The following MLLT3 variants were observed in gnomAD, a reference collection of about 807,000 sequenced individuals.
The protein encoded by MLLT3 is protein AF-9.
Under a neutral mutation model 53.2 loss-of-function variants are expected in MLLT3, and 4 were observed. The ratio of observed to expected loss-of-function variants is 0.08; its 90% CI spans 0.04 to 0.17. The LOEUF is 0.17. MLLT3 is among the 10% of genes least tolerant of loss of function. The pLI is 1.00. For missense variants in MLLT3, 569 were observed against 684.0 expected, an observed-to-expected ratio of 0.83 and a Z score of 1.87; for synonymous variants, 283 against 230.6, an observed-to-expected ratio of 1.23 and a Z score of -2.06.
chr9:20,470,364 T>A (rs576526938), intron 2 of MLLT3, among the ~76,000 whole-genome samples: 2 of 152,022 alleles, frequency 1.3e-5, no homozygotes, highest in Non-Finnish European at 2.9e-5. Context: ...GGTTCATTTG[T>A]GTTTTATTAA....
chr9:20,366,838 G>A (rs796704097), intron 5 of MLLT3, among the ~76,000 whole-genome samples: 7 of 152,268 alleles, frequency 4.6e-5, no homozygotes, highest in Admixed American at 1.3e-4. Flanking sequence ...ATCATTACTG[G>A]TCATTAGAGA....
Position 20,438,056 on chromosome 9 carries a change from A to G in MLLT3, c.420+10067T>C, listed in dbSNP as rs1823449086. ...TATAGATATCTATGAATGCTGGACA[A>G]TAGTGTTATAAGCTAAAAGCACAAA... is the stretch of plus-strand genomic sequence containing the variant. On this transcript the variant is annotated intron_variant, in intron 4 of 10. Transcript: ENST00000380338. Among the ~76,000 whole-genome samples the G allele has an allele frequency of 2.6e-5, 4 of 152,206 alleles. No individual in the cohort carries two copies. In the South Asian group the frequency reaches 8.3e-4, roughly 31 times the overall value.
chr9:20,463,685 T>C (rs573583083), intron 2 of MLLT3, among the ~76,000 whole-genome samples: 17 of 152,196 alleles, frequency 1.1e-4, no homozygotes, highest in South Asian at 4.1e-4. Flanking sequence ...TGATGGGAAA[T>C]AGAAAAACTG....
chr9:20,351,692 G>A (rs1269525057), intron 10 of MLLT3, among the ~76,000 whole-genome samples: 1 of 152,174 alleles, frequency 6.6e-6, no homozygotes, highest in Non-Finnish European at 1.5e-5. Context: ...TGTGATCCTG[G>A]GCCCACCAGA....
At chr9:20,555,769 A>C (rs942980658) in intron 2 of MLLT3, among the ~76,000 whole-genome samples, 15 of 152,224 alleles carry the variant, frequency 9.9e-5, no homozygotes, top group Admixed American at 5.9e-4. Flanking sequence ...ACCCACTAGA[A>C]GCAAACTGGT....
intron 2 of MLLT3, among the ~76,000 whole-genome samples, chr9:20,491,529 A>G (rs1586991169): frequency 6.6e-6 from 1 of 152,162 alleles, no homozygotes; most frequent in East Asian, 1.9e-4. Context: ...CCAGTCAATC[A>G]CATGCAATGG....
chr9:20,525,316 G>A (rs1053299512), intron 2 of MLLT3, among the ~76,000 whole-genome samples: 1 of 151,992 alleles, frequency 6.6e-6, no homozygotes, highest in East Asian at 1.9e-4. Context: ...GGCCAACATG[G>A]TGAAATCCTG....
At chr9:20,459,469 G>A (rs142160406) in intron 2 of MLLT3, among the ~76,000 whole-genome samples, 5 of 152,296 alleles carry the variant, frequency 3.3e-5, no homozygotes, top group East Asian at 3.9e-4. Flanking sequence ...CTAGTGTTAC[G>A]CTTATGACAC....
chr9:20,590,981 C>T (rs148140548), intron 2 of MLLT3, among the ~76,000 whole-genome samples: 7 of 152,014 alleles, frequency 4.6e-5, no homozygotes, highest in African/African-American at 1.7e-4. Context: ...AACTACTGGC[C>T]TCAGGCAATC....
chr9:20,373,660 T>C (rs978974530), intron 5 of MLLT3, among the ~76,000 whole-genome samples: 1 of 152,034 alleles, frequency 6.6e-6, no homozygotes, highest in Admixed American at 6.6e-5. Context: ...TAAACAGAAA[T>C]GATTTCAGAC....
intron 2 of MLLT3, among the ~76,000 whole-genome samples, chr9:20,490,492 A>AAG (rs2118921417): frequency 6.6e-6 from 1 of 152,338 alleles, no homozygotes; most frequent in African/African-American, 2.4e-5. Flanking sequence ...ACAGTTGGCA[A>AAG]AGAAACAGAG....
At chr9:20,565,976 A>T (rs1437755496) in intron 2 of MLLT3, among the ~76,000 whole-genome samples, 2 of 118,736 alleles carry the variant, frequency 1.7e-5, no homozygotes, top group Non-Finnish European at 3.4e-5. Context: ...ATTTATATAT[A>T]TATATATTTA....
chr9:20,390,694 C>T (rs1822157856), intron 5 of MLLT3, among the ~76,000 whole-genome samples: 1 of 152,184 alleles, frequency 6.6e-6, no homozygotes, highest in African/African-American at 2.4e-5. Context: ...ACAACTTCTC[C>T]AAAATACTTA....
intron 2 of MLLT3, among the ~76,000 whole-genome samples, chr9:20,544,457 T>C (rs543261451): frequency 2.6e-5 from 4 of 152,078 alleles, no homozygotes; most frequent in Admixed American, 6.6e-5. Flanking sequence ...AAAGAAAATA[T>C]AGAAATGGCC....
At chr9:20,478,180 T>G (rs1824572791) in intron 2 of MLLT3, among the ~76,000 whole-genome samples, 1 of 152,070 alleles carries the variant, frequency 6.6e-6, no homozygotes, top group Admixed American at 6.6e-5. Context: ...TGGCAGTGGC[T>G]GCACTGAGAA....
At position 20,597,173 on chromosome 9, in the gene MLLT3, T is replaced by C. The variant is rs148000606; in HGVS notation, c.193+23481A>G. On this transcript the variant is annotated intron_variant, in intron 2 of 10. Transcript: ENST00000380338. ...TTGATAAATTCATCCATTATGGGGA[T>C]AGTACAGGTAGTACCTCAATTCATA... 3.5e-3 allele frequency among the ~76,000 whole-genome samples: 537 copies of C among 152,244 alleles called. 4 individuals are homozygous for C. The highest frequency in any genetic ancestry group is 0.012 in the African/African-American group (502 of 41,554).
rs1822790687 is a variant in MLLT3, at chr9:20,413,786, G to A, written c.1060C>T (p.Pro354Ser). The change falls in exon 5 of 11, where the codon CCA (proline) becomes TCA (serine). Residue 354 changes from proline to serine, a missense_variant. Physicochemically the swap from Pro to Ser is moderately conservative, Grantham distance 74. Around this residue, in one of 5 missense-constraint regions of MLLT3, gnomAD observed 437 missense variants for 376.5 expected, o/e 1.16. Transcript: ENST00000380338. ...TTGGGATCCACAATATCATCAAATG[G>A]CGGTAACGTTGATTTCTTCTTCTCT... ...TSEKKKSTLP[P>S]FDDIVDPNDS... 8.7e-6 allele frequency: 14 copies of A among 1,613,656 alleles called. No homozygotes were observed. Among genetic ancestry groups the A allele is most frequent in the Non-Finnish European group, 1.2e-5 (14 of 1,179,916 alleles).
At chr9:20,605,325 T>G (rs1003752223) in intron 2 of MLLT3, among the ~76,000 whole-genome samples, 5 of 152,096 alleles carry the variant, frequency 3.3e-5, no homozygotes, top group African/African-American at 1.2e-4. Flanking sequence ...TACATTCTTT[T>G]CTACTTACCC....
chr9:20,434,457 T>A (rs1052400415), intron 4 of MLLT3, among the ~76,000 whole-genome samples: 1 of 152,196 alleles, frequency 6.6e-6, no homozygotes, highest in Non-Finnish European at 1.5e-5. Flanking sequence ...TCTCAATCTA[T>A]GCACAGTGGA....
Sources: allele counts gnomAD v4.1 joint callset (sites outside exome capture counted in the v4.1 genomes callset), GRCh38; gene constraint gnomAD v4.1.1; regional missense constraint gnomAD v4.1.1; transcripts MANE v1.5; gene names NCBI Gene and HGNC (gene_info 2026-07-23, HGNC 2026-07-21).